Variants in TMEM108 observed in about 807,000 individuals in gnomAD.
The protein encoded by TMEM108 is transmembrane protein 108.
In TMEM108, 12 loss-of-function variants were observed where a neutral mutation model predicts 35.1. The observed-to-expected ratio is 0.34, with a 90% CI of 0.22 to 0.55. TMEM108 has a LOEUF of 0.55. Ranked by LOEUF, TMEM108 falls within the 20% of genes least tolerant of loss-of-function variation. The probability of loss-of-function intolerance (pLI) is 0.89; values close to 1 mark genes in which losing one functional copy is unlikely to be tolerated. For synonymous variants in TMEM108, 287 were observed against 308.6 expected, an observed-to-expected ratio of 0.93 and a Z score of 0.73; for missense variants, 680 against 753.3, an observed-to-expected ratio of 0.90 and a Z score of 1.14.
rs141616839 is a variant in TMEM108, at chr3:133,325,747, A to T, written c.41-54005A>T. Reference sequence around the variant, plus strand: ...ATATAAAAAATAATAAAATAAAAATAAAAAATATATAATTTTTAAGTGTGT... The same window carrying T: ...ATATAAAAAATAATAAAATAAAAATTAAAAATATATAATTTTTAAGTGTGT... On this transcript the variant is annotated intron_variant, in intron 3 of 5. Coordinates refer to ENST00000321871, the MANE Select transcript of TMEM108 (RefSeq NM_023943.4). Among the ~76,000 whole-genome samples, 642 of 150,166 alleles carry T rather than the reference A, an allele frequency of 4.3e-3. 5 individuals are homozygous for T. The highest frequency in any genetic ancestry group is 0.015 in the African/African-American group (614 of 41,266).
chr3:133,300,208 T>A (rs1947201004), intron 3 of TMEM108, among the ~76,000 whole-genome samples: 3 of 152,086 alleles, frequency 2.0e-5, no homozygotes, highest in African/African-American at 4.8e-5. Flanking sequence ...CCTGACCACA[T>A]TTAAGAATGT....
intron 3 of TMEM108, among the ~76,000 whole-genome samples, chr3:133,350,447 C>CA (rs367978555): frequency 0.016 from 2,426 of 148,472 alleles, 53 homozygotes; most frequent in African/African-American, 0.055. Context: ...GTTCTCACCA[C>CA]AAAAAAAAAG....
chr3:133,046,259 G>A (rs1001209779), intron 2 of TMEM108, among the ~76,000 whole-genome samples: 5 of 152,194 alleles, frequency 3.3e-5, no homozygotes, highest in Admixed American at 3.3e-4. Context: ...GGAGTTTTTA[G>A]TGAGTTCGTT....
chr3:133,217,473 T>C (rs1186937311), intron 2 of TMEM108, among the ~76,000 whole-genome samples: 1 of 152,080 alleles, frequency 6.6e-6, no homozygotes, highest in Non-Finnish European at 1.5e-5. Flanking sequence ...GCTTGTGCTT[T>C]GGGGTCATAT....
At chr3:133,183,296 C>G (rs2107805969) in intron 2 of TMEM108, among the ~76,000 whole-genome samples, 1 of 152,156 alleles carries the variant, frequency 6.6e-6, no homozygotes, top group East Asian at 1.9e-4. Flanking sequence ...ATACATTTCC[C>G]TCTTCCTCTT....
At chr3:133,374,351 T>C (rs1313247722) in intron 3 of TMEM108, among the ~76,000 whole-genome samples, 1 of 152,036 alleles carries the variant, frequency 6.6e-6, no homozygotes, top group Admixed American at 6.5e-5. Flanking sequence ...AAAACAGCAA[T>C]GCACAAAATA....
chr3:133,234,565 A>T (rs948618436), intron 3 of TMEM108, among the ~76,000 whole-genome samples: 2 of 152,210 alleles, frequency 1.3e-5, no homozygotes, highest in African/African-American at 4.8e-5. Context: ...TCATGCTAAA[A>T]ACTCTCAATA....
At chr3:133,168,825 C>T (rs747340733) in intron 2 of TMEM108, among the ~76,000 whole-genome samples, 3 of 152,278 alleles carry the variant, frequency 2.0e-5, no homozygotes, top group Middle Eastern at 3.4e-3. Flanking sequence ...TAAGACTCAC[C>T]GTGAAGGTTT....
intron 2 of TMEM108, among the ~76,000 whole-genome samples, chr3:133,106,810 G>T (rs1043113372): frequency 6.6e-6 from 1 of 152,150 alleles, no homozygotes; most frequent in Admixed American, 6.5e-5. Flanking sequence ...ATTACAGTCC[G>T]AGGCAACAAC....
intron 3 of TMEM108, among the ~76,000 whole-genome samples, chr3:133,363,473 G>A (rs6795863): frequency 0.014 from 2,084 of 150,814 alleles, 52 homozygotes; most frequent in African/African-American, 0.047. Flanking sequence ...GTGCAGTAGC[G>A]TGATCACAGT....
chr3:133,373,734 C>T (rs2072750137), intron 3 of TMEM108, among the ~76,000 whole-genome samples: 1 of 152,202 alleles, frequency 6.6e-6, no homozygotes, highest in African/African-American at 2.4e-5. Context: ...TGCTTAGATG[C>T]TCTTTTCTTT....
chr3:133,053,639 C>T (rs1439319958), intron 2 of TMEM108, among the ~76,000 whole-genome samples: 1 of 152,182 alleles, frequency 6.6e-6, no homozygotes, highest in African/African-American at 2.4e-5. Flanking sequence ...CAAAGAATCT[C>T]AGGGGTTTTT....
intron 3 of TMEM108, among the ~76,000 whole-genome samples, chr3:133,329,664 T>G (rs2071371390): frequency 6.6e-6 from 1 of 152,150 alleles, no homozygotes; most frequent in Admixed American, 6.5e-5. Context: ...TTTTTTTTAT[T>G]TATTTTTTTA....
At chr3:133,347,237 C>A (rs1020775193) in intron 3 of TMEM108, among the ~76,000 whole-genome samples, 3 of 152,056 alleles carry the variant, frequency 2.0e-5, no homozygotes, top group Non-Finnish European at 4.4e-5. Context: ...GAACTGACAT[C>A]TTCACAATAT....
intron 2 of TMEM108, among the ~76,000 whole-genome samples, chr3:133,150,342 GTTTTTTT>G (rs10663538): frequency 1.8e-5 from 2 of 109,708 alleles, no homozygotes; most frequent in Admixed American, 1.0e-4. Flanking sequence ...AGGTTATTTG[GTTTTTTT>G]TTTTTTTTTG....
At chr3:133,167,380 A>G (rs892979636) in intron 2 of TMEM108, among the ~76,000 whole-genome samples, 9 of 152,252 alleles carry the variant, frequency 5.9e-5, no homozygotes, top group Non-Finnish European at 1.5e-5. Context: ...GCTGCCTGCC[A>G]GTCCCGCGCT....
At chr3:133,327,881 A>G (rs1285297803) in intron 3 of TMEM108, among the ~76,000 whole-genome samples, 2 of 152,104 alleles carry the variant, frequency 1.3e-5, no homozygotes, top group African/African-American at 4.8e-5. Context: ...GGCAGGAGGG[A>G]GGTAGCTGTA....
chr3:133,245,163 T>A (rs1946367437), intron 3 of TMEM108, among the ~76,000 whole-genome samples: 1 of 152,164 alleles, frequency 6.6e-6, no homozygotes, highest in Admixed American at 6.5e-5. Context: ...TGCCACTGTG[T>A]TTAGTGCATG....
In TMEM108 at chr3:133,284,850, C is replaced by T. The variant is rs1702107546; in HGVS notation, c.40+55499C>T. 2.0e-5 allele frequency among the ~76,000 whole-genome samples: 3 copies of T among 152,196 alleles called. No individual in the cohort carries two copies. The South Asian group carries it at 6.2e-4, about 32-fold the overall frequency. On this transcript the variant is annotated intron_variant, in intron 3 of 5. Coordinates refer to ENST00000321871, the MANE Select transcript of TMEM108 (RefSeq NM_023943.4). ...TTCAGTTTTTCTTTTTGTGCTACAT[C>T]CTGGATTAATTCTTCAGTTTTGTCT...
Sources: gnomAD v4.1 joint callset for allele counts (sites outside exome capture counted in the v4.1 genomes callset) on GRCh38, gnomAD v4.1.1 for gene constraint, MANE v1.5 for transcripts, NCBI Gene and HGNC (gene_info 2026-07-23, HGNC 2026-07-21) for gene names.